Variants in KCNB2 observed in about 807,000 individuals in gnomAD.
KCNB2 encodes delayed rectifier potassium channel protein.
KCNB2 carries 15 observed loss-of-function variants against 61.5 expected under a neutral mutation model. That is an observed-to-expected ratio of 0.24 (90% CI 0.16 to 0.38). KCNB2 has a LOEUF of 0.38. Ranked by LOEUF, KCNB2 falls within the 10% of genes least tolerant of loss-of-function variation. The pLI, the probability that KCNB2 is intolerant of heterozygous loss-of-function variation, is 1.00. For missense variants in KCNB2, 828 were observed against 1,125.2 expected (o/e 0.74, Z 3.78); for synonymous variants, 457 against 446.0 (o/e 1.02, Z -0.31).
intron 2 of KCNB2, among the ~76,000 whole-genome samples, chr8:72,765,221 T>C (rs945859890): frequency 3.3e-5 from 5 of 152,216 alleles, no homozygotes; most frequent in Non-Finnish European, 7.3e-5. Flanking sequence ...GAGTTGTCTG[T>C]CAACAGTTTC....
intron 2 of KCNB2, among the ~76,000 whole-genome samples, chr8:72,922,277 ATC>A (rs1348217428): frequency 6.6e-6 from 1 of 152,164 alleles, no homozygotes; most frequent in Non-Finnish European, 1.5e-5. Context: ...TTTAGGGCCC[ATC>A]CTAATTGAAT....
At chr8:72,683,599 C>G (rs998426983) in intron 2 of KCNB2, among the ~76,000 whole-genome samples, 1 of 152,144 alleles carries the variant, frequency 6.6e-6, no homozygotes, top group Non-Finnish European at 1.5e-5. Flanking sequence ...TGGCCTAGGT[C>G]AGGAACCCAT....
At position 72,725,090 on chromosome 8, in the gene KCNB2, A is replaced by T. The variant is rs188548354; in HGVS notation, c.579+156777A>T. Among the ~76,000 whole-genome samples, 68 of 152,290 alleles carry T rather than the reference A, an allele frequency of 4.5e-4. No homozygotes were observed. In the East Asian group the frequency reaches 0.013, roughly 29 times the overall value. ...CTTCTCCATTTAAAAAAATATGTTT[A>T]AAAAAGAAAATTATTATTTTGTTTG... On this transcript the variant is annotated intron_variant, in intron 2 of 2. Coordinates refer to ENST00000523207, the MANE Select transcript of KCNB2 (RefSeq NM_004770.3).
chr8:72,705,770 T>C (rs887955283), intron 2 of KCNB2, among the ~76,000 whole-genome samples: 5 of 152,198 alleles, frequency 3.3e-5, no homozygotes, highest in African/African-American at 1.2e-4. Context: ...GTGTGACATG[T>C]GTAGCATGAG....
chr8:72,934,736 C>G (rs1267655631), intron 2 of KCNB2, among the ~76,000 whole-genome samples: 1 of 152,054 alleles, frequency 6.6e-6, no homozygotes, highest in African/African-American at 2.4e-5. Context: ...GAAACCAAGC[C>G]AGACCTAACC....
At chr8:72,700,506 G>C (rs1182792469) in intron 2 of KCNB2, among the ~76,000 whole-genome samples, 1 of 151,930 alleles carries the variant, frequency 6.6e-6, no homozygotes, top group Non-Finnish European at 1.5e-5. Context: ...ACCACAATGA[G>C]ATACCATCTC....
chr8:72,625,176 A>G (rs2220470), intron 2 of KCNB2, among the ~76,000 whole-genome samples: 56,811 of 151,944 alleles, frequency 0.37, 12,500 homozygotes, highest in Non-Finnish European at 0.5. Context: ...GTTTTAAGTC[A>G]CTGAGTTTGT....
intron 2 of KCNB2, among the ~76,000 whole-genome samples, chr8:72,656,318 G>A (rs1439736394): frequency 6.6e-6 from 1 of 152,140 alleles, no homozygotes; most frequent in Non-Finnish European, 1.5e-5. Flanking sequence ...ACCTCTGAGA[G>A]TGAGCTATCC....
chr8:72,673,185 G>A, intron 2 of KCNB2, among the ~76,000 whole-genome samples: 1 of 152,168 alleles, frequency 6.6e-6, no homozygotes, highest in East Asian at 1.9e-4. Flanking sequence ...CAAATGAATA[G>A]ATGAGTGAAG....
intron 2 of KCNB2, among the ~76,000 whole-genome samples, chr8:72,717,103 A>G (rs1807457728): frequency 6.6e-6 from 1 of 152,170 alleles, no homozygotes; most frequent in South Asian, 2.1e-4. Context: ...TCCAACTTAC[A>G]AGGGATGTGA....
intron 2 of KCNB2, among the ~76,000 whole-genome samples, chr8:72,797,231 T>C (rs1278357012): frequency 6.6e-6 from 1 of 152,190 alleles, no homozygotes; most frequent in Non-Finnish European, 1.5e-5. Flanking sequence ...GTTAAAAGTA[T>C]CTTAAAAGAT....
chr8:72,752,238 T>A (rs1808202732), intron 2 of KCNB2, among the ~76,000 whole-genome samples: 1 of 152,168 alleles, frequency 6.6e-6, no homozygotes, highest in Non-Finnish European at 1.5e-5. Context: ...AAGATGATCA[T>A]AAAACTCTGT....
rs539210266 is a variant in KCNB2 at position 72,797,465 on chromosome 8, T to C, written c.580-138470T>C. Among the ~76,000 whole-genome samples the C allele has an allele frequency of 3.9e-5, 6 of 152,304 alleles. No homozygotes were observed. The East Asian group carries it at 1.2e-3, about 29-fold the overall frequency. ...GAACACCTCCAGGCCAGGGGGCTGC[T>C]CTCCCCACCCTAGAGGCCACAAGAG... On this transcript the variant is annotated intron_variant, in intron 2 of 2. Coordinates refer to ENST00000523207, the MANE Select transcript of KCNB2 (RefSeq NM_004770.3).
chr8:72,785,004 C>G (rs745700386), intron 2 of KCNB2, among the ~76,000 whole-genome samples: 3 of 152,152 alleles, frequency 2.0e-5, no homozygotes, highest in Non-Finnish European at 4.4e-5. Flanking sequence ...CATTTCATTA[C>G]TAATAATTAT....
chr8:72,804,761 G>A (rs1226951749), intron 2 of KCNB2, among the ~76,000 whole-genome samples: 1 of 152,176 alleles, frequency 6.6e-6, no homozygotes, highest in East Asian at 1.9e-4. Context: ...CCTGTTGTCT[G>A]TAGTATTCGA....
intron 2 of KCNB2, among the ~76,000 whole-genome samples, chr8:72,727,655 G>A (rs1248034494): frequency 6.6e-6 from 1 of 152,300 alleles, no homozygotes; most frequent in Middle Eastern, 3.4e-3. Flanking sequence ...CACAAAGTAT[G>A]TGAAGGAACC....
intron 1 of KCNB2, among the ~76,000 whole-genome samples, chr8:72,543,522 G>A (rs959251285): frequency 3.9e-5 from 6 of 152,146 alleles, no homozygotes; most frequent in African/African-American, 1.4e-4. Context: ...GGGTGTACTG[G>A]ATTAATGAAT....
chr8:72,701,651 AG>A (rs1807128786), intron 2 of KCNB2, among the ~76,000 whole-genome samples: 1 of 152,202 alleles, frequency 6.6e-6, no homozygotes, highest in Non-Finnish European at 1.5e-5. Context: ...ATTTTTAAGA[AG>A]TTATCCTAAG....
At chr8:72,805,420 C>A (rs1323009764) in intron 2 of KCNB2, among the ~76,000 whole-genome samples, 1 of 152,104 alleles carries the variant, frequency 6.6e-6, no homozygotes, top group Non-Finnish European at 1.5e-5. Flanking sequence ...TGCCTGGCCT[C>A]CTCCTGAGGA....
Sources: gnomAD v4.1 joint callset for allele counts (sites outside exome capture counted in the v4.1 genomes callset) on GRCh38, gnomAD v4.1.1 for gene constraint, MANE v1.5 for transcripts, NCBI Gene and HGNC (gene_info 2026-07-23, HGNC 2026-07-21) for gene names.